Variants in MAN1A1 observed in about 807,000 individuals in gnomAD.
MAN1A1 encodes mannosyl-oligosaccharide 1,2-alpha-mannosidase IA.
MAN1A1 carries 29 observed loss-of-function variants against 70.8 expected under a neutral mutation model. The observed-to-expected ratio is 0.41, with a 90% CI of 0.31 to 0.56. The LOEUF (loss-of-function observed/expected upper bound fraction) is 0.56. Ranked by LOEUF, MAN1A1 falls within the 20% of genes least tolerant of loss-of-function variation. The probability of loss-of-function intolerance (pLI) is 0.29; values close to 1 mark genes in which losing one functional copy is unlikely to be tolerated. For missense variants in MAN1A1, 747 were observed against 841.3 expected (o/e 0.89, Z 1.39); for synonymous variants, 349 against 330.1 (o/e 1.06, Z -0.62).
chr6:119,209,197 T>C (rs1330063785), intron 6 of MAN1A1, among the ~76,000 whole-genome samples: 3 of 151,844 alleles, frequency 2.0e-5, no homozygotes, highest in Non-Finnish European at 4.4e-5. Flanking sequence ...TACCAGATAA[T>C]TTATAGAACT....
chr6:119,349,007 C>G lies in MAN1A1; in HGVS notation c.59G>C (p.Gly20Ala). 7.2e-6 allele frequency: 10 copies of G among 1,389,848 alleles called. No homozygotes were observed. Among genetic ancestry groups the G allele is most frequent in the Non-Finnish European group, 8.4e-6 (9 of 1,068,440 alleles). The allele number at this position is 1,389,848 out of a possible 1,614,324, so 86.1% of individuals were successfully genotyped here. A position where few individuals can be genotyped will look rare whatever the true frequency, so the allele number is the denominator to read the frequency against. ...CCTGCCACCGCCGCCGCCGAGCCCC[C>G]CGCCCAGGACGCCGCCCGCGGGGCT... ...FSSPAGGVLG[G>A]GLGGGGGRKG... The change falls in exon 2 of 13, where the codon GGG (glycine) becomes GCG (alanine). Residue 20 changes from glycine to alanine, a missense_variant. Gly to Ala is a moderately conservative substitution (Grantham distance 60). Around this residue, in one of 2 missense-constraint regions of MAN1A1, gnomAD observed 328 missense variants for 293.1 expected, o/e 1.12. Coordinates refer to ENST00000368468, the MANE Select transcript of MAN1A1 (RefSeq NM_005907.4).
chr6:119,189,157 C>T (rs1773371632), intron 10 of MAN1A1, among the ~76,000 whole-genome samples: 1 of 152,034 alleles, frequency 6.6e-6, no homozygotes, highest in South Asian at 2.1e-4. Context: ...ACTGAGCACC[C>T]ACCAGGCAGA....
intron 5 of MAN1A1, among the ~76,000 whole-genome samples, chr6:119,275,420 C>T (rs910700125): frequency 3.5e-5 from 5 of 142,570 alleles, no homozygotes; most frequent in African/African-American, 1.3e-4. Context: ...CATTCTCCTG[C>T]CTCAGCCTCC....
At chr6:119,214,879 C>A (rs1028361054) in intron 6 of MAN1A1, among the ~76,000 whole-genome samples, 40 of 152,042 alleles carry the variant, frequency 2.6e-4, no homozygotes, top group Non-Finnish European at 4.7e-4. Context: ...TGAATGCTGA[C>A]ACAAGAAAAC....
At chr6:119,260,890 T>C (rs1039074013) in intron 5 of MAN1A1, among the ~76,000 whole-genome samples, 2 of 151,576 alleles carry the variant, frequency 1.3e-5, no homozygotes, top group African/African-American at 2.4e-5. Flanking sequence ...CTCTTTAGAA[T>C]ACAAACACAA....
chr6:119,223,479 G>GA (rs1250611935), intron 6 of MAN1A1, among the ~76,000 whole-genome samples: 1 of 151,974 alleles, frequency 6.6e-6, no homozygotes, highest in Non-Finnish European at 1.5e-5. Flanking sequence ...GGGATGTTTG[G>GA]AAAAATGTAT....
intron 6 of MAN1A1, among the ~76,000 whole-genome samples, chr6:119,243,015 A>C (rs1244969032): frequency 6.6e-6 from 1 of 152,146 alleles, no homozygotes; most frequent in Admixed American, 6.6e-5. Flanking sequence ...AGGTTAACTT[A>C]AAATACTTAG....
chr6:119,323,893 C>A (rs1362319822), intron 2 of MAN1A1, among the ~76,000 whole-genome samples: 1 of 152,182 alleles, frequency 6.6e-6, no homozygotes, highest in African/African-American at 2.4e-5. Flanking sequence ...AGAGCAAACA[C>A]ATAAGCCTTA....
At chr6:119,311,823 C>T (rs1772715329) in intron 2 of MAN1A1, among the ~76,000 whole-genome samples, 1 of 152,158 alleles carries the variant, frequency 6.6e-6, no homozygotes, top group Non-Finnish European at 1.5e-5. Flanking sequence ...CTTAAAACCA[C>T]AAAGCTCTAT....
At chr6:119,251,628 G>C (rs1482623790) in intron 5 of MAN1A1, among the ~76,000 whole-genome samples, 4 of 152,192 alleles carry the variant, frequency 2.6e-5, no homozygotes, top group Admixed American at 1.3e-4. Context: ...GAAGGCAAGA[G>C]AGAGATCTCT....
chr6:119,328,103 T>C (rs917498568), intron 2 of MAN1A1, among the ~76,000 whole-genome samples: 4 of 152,132 alleles, frequency 2.6e-5, no homozygotes, highest in Admixed American at 2.6e-4. Context: ...CCTAGAACTG[T>C]AAGATATTAA....
chr6:119,294,448 T>C lies in MAN1A1; in HGVS notation c.817-3685A>G, dbSNP rs1772142336. Among the ~76,000 whole-genome samples, 3 of 152,046 alleles carry C rather than the reference T, an allele frequency of 2.0e-5. 1 individual carries two copies. The South Asian group carries it at 6.2e-4, about 32-fold the overall frequency. ...AATCTTGTGAGATTTATCCTAACAATTAATGTGAATTTTGCAGTCTACCTA... is the reference window on the plus strand; with the variant it reads ...AATCTTGTGAGATTTATCCTAACAACTAATGTGAATTTTGCAGTCTACCTA... On this transcript the variant is annotated intron_variant, in intron 4 of 12. Coordinates refer to ENST00000368468, the MANE Select transcript of MAN1A1 (RefSeq NM_005907.4).
chr6:119,228,012 A>T (rs1019827697), intron 6 of MAN1A1, among the ~76,000 whole-genome samples: 7 of 152,198 alleles, frequency 4.6e-5, no homozygotes, highest in African/African-American at 1.7e-4. Context: ...AAACTTTTTA[A>T]AAAATATGAA....
At chr6:119,185,677 T>C (rs987642514) in intron 11 of MAN1A1, among the ~76,000 whole-genome samples, 9 of 151,614 alleles carry the variant, frequency 5.9e-5, no homozygotes, top group Admixed American at 3.9e-4. Flanking sequence ...CCTGGGTTCA[T>C]GCCATTCTCC....
At chr6:119,278,496 T>C (rs1017901083) in intron 5 of MAN1A1, among the ~76,000 whole-genome samples, 7 of 152,218 alleles carry the variant, frequency 4.6e-5, no homozygotes, top group South Asian at 2.1e-4. Context: ...TTATGAATTT[T>C]ATAGAAAGTG....
chr6:119,226,763 T>C (rs920877322), intron 6 of MAN1A1, among the ~76,000 whole-genome samples: 1 of 152,148 alleles, frequency 6.6e-6, no homozygotes, highest in Admixed American at 6.5e-5. Flanking sequence ...CTCTGCCTCC[T>C]GGGTTCAAGC....
intron 2 of MAN1A1, among the ~76,000 whole-genome samples, chr6:119,342,234 T>A (rs1472418212): frequency 6.6e-6 from 1 of 152,208 alleles, no homozygotes; most frequent in Non-Finnish European, 1.5e-5. Flanking sequence ...TTTGATGAAC[T>A]GGAAATGTAT....
intron 4 of MAN1A1, among the ~76,000 whole-genome samples, chr6:119,298,842 C>T (rs952924231): frequency 3.3e-5 from 5 of 152,054 alleles, no homozygotes; most frequent in East Asian, 3.9e-4. Flanking sequence ...ATGATCCACC[C>T]GCCTCGGCCT....
Position 119,188,536 on chromosome 6 carries a change from C to A in MAN1A1, c.1588G>T (p.Val530Phe). 6.2e-7 allele frequency: 1 copy of A among 1,613,810 alleles called. No homozygotes were observed. The highest frequency in any genetic ancestry group is 8.5e-7 in the Non-Finnish European group (1 of 1,179,868). ...GPEAFRFDGG[V>F]EAIATRQNEK... ...TTTTGTCTTGTAGCGATGGCTTCAACACCACCATCAAATCTGAAAGCTTCT... is the reference window on the plus strand; with the variant it reads ...TTTTGTCTTGTAGCGATGGCTTCAAAACCACCATCAAATCTGAAAGCTTCT... The change falls in exon 11 of 13, where the codon GTT (valine) becomes TTT (phenylalanine). Residue 530 changes from valine to phenylalanine, a missense_variant. Physicochemically the swap from Val to Phe is conservative, Grantham distance 50. Around this residue, in one of 2 missense-constraint regions of MAN1A1, gnomAD observed 419 missense variants for 548.2 expected, o/e 0.76. Transcript: ENST00000368468.
Sources: allele counts gnomAD v4.1 joint callset (sites outside exome capture counted in the v4.1 genomes callset), GRCh38; gene constraint gnomAD v4.1.1; regional missense constraint gnomAD v4.1.1; transcripts MANE v1.5; gene names NCBI Gene and HGNC (gene_info 2026-07-23, HGNC 2026-07-21).